PPP2R3A: variants seen among roughly 807,000 people sequenced by gnomAD.
The protein encoded by PPP2R3A is protein phosphatase 2 regulatory subunit B''alpha.
A neutral mutation model predicts 106.9 loss-of-function variants in PPP2R3A; 80 were observed. That is an observed-to-expected ratio of 0.75 (90% CI 0.62 to 0.90). The LOEUF (loss-of-function observed/expected upper bound fraction) is 0.90, where lower values mean the gene tolerates loss of function less well. Ranked by LOEUF, PPP2R3A falls within the 40% of genes least tolerant of loss-of-function variation. PPP2R3A has a pLI of 0.00. For missense variants in PPP2R3A, 1,386 were observed against 1,350.4 expected (o/e 1.03, Z -0.41); for synonymous variants, 483 against 468.3 (o/e 1.03, Z -0.41).
chr3:136,145,027 T>C lies in PPP2R3A; in HGVS notation c.3330-16T>C, dbSNP rs1410107704. ...ATCAATCAATCAGTTAATTCACTTT[T>C]GCTTTGTTATTTCAGCTTTGAAGAT... On this transcript the variant is annotated splice_polypyrimidine_tract_variant and intron_variant, in intron 13 of 13. Coordinates refer to ENST00000264977, the MANE Select transcript of PPP2R3A (RefSeq NM_002718.5). 1 of 1,603,072 alleles carries C rather than the reference T, an allele frequency of 6.2e-7. No individual in the cohort carries two copies. Among genetic ancestry groups the C allele is most frequent in the Non-Finnish European group, 8.5e-7 (1 of 1,175,602 alleles).
chr3:136,018,044 A>G lies in PPP2R3A; in HGVS notation c.1996-8788A>G, dbSNP rs373332587. Among the ~76,000 whole-genome samples, 4 of 152,196 alleles carry G rather than the reference A, an allele frequency of 2.6e-5. No individual in the cohort carries two copies. In the East Asian group the frequency reaches 5.8e-4, roughly 22 times the overall value. On this transcript the variant is annotated intron_variant, in intron 2 of 13. Coordinates refer to ENST00000264977, the MANE Select transcript of PPP2R3A (RefSeq NM_002718.5). ...CACTTTGAGAGGCTGAGGTGGGCAGATTGCTTGAGCCCAGGAGTTCAGGAC... is the reference window on the plus strand; with the variant it reads ...CACTTTGAGAGGCTGAGGTGGGCAGGTTGCTTGAGCCCAGGAGTTCAGGAC...
intron 5 of PPP2R3A, among the ~76,000 whole-genome samples, chr3:136,068,407 A>G (rs1936325959): frequency 6.6e-6 from 1 of 152,110 alleles, no homozygotes; most frequent in Non-Finnish European, 1.5e-5. Flanking sequence ...AATCCCAGCT[A>G]CTCGGAAGGC....
intron 5 of PPP2R3A, 73 bp from the exon 6 acceptor site, chr3:136,070,405 C>T: frequency 8.2e-7 from 1 of 1,225,434 alleles, no homozygotes; most frequent in Non-Finnish European, 1.1e-6. Flanking sequence ...TGGCAACATA[C>T]AGGAAGGAAA....
chr3:135,969,611 G>A (rs9868239), intron 1 of PPP2R3A, among the ~76,000 whole-genome samples: 97,738 of 152,078 alleles, frequency 0.64, 33,408 homozygotes, highest in African/African-American at 0.88. Context: ...CTGGAGGCAC[G>A]AATTTTTAGG....
chr3:136,003,098 G>T lies in PPP2R3A; in HGVS notation c.1600G>T (p.Gly534Cys). 6.2e-7 allele frequency: 1 copy of T among 1,610,742 alleles called. No homozygotes were observed. Residue 534 changes from glycine (G) to cysteine (C), a missense_variant, in exon 2 of 14, where the codon GGT (glycine) becomes TGT (cysteine). Coordinates refer to ENST00000264977, the MANE Select transcript of PPP2R3A (RefSeq NM_002718.5). ...CTCTCTAAGAGAGCCACTTGCGAAG[G>T]GTAAAAACTCTAATTTTTTAAATAG... Reference protein sequence around the residue: ...ETSLREPLAKGKNSNFLNSHS... With the variant: ...ETSLREPLAKCKNSNFLNSHS...
Position 136,053,370 on chromosome 3 carries a change from G to GA in PPP2R3A, c.2469+4018dup, listed in dbSNP as rs199818471. ...TGGATTTATATGGATCAAAAAAAAA[G>GA]AAAAAAAAATAAGTGACCAGAAGTA... On this transcript the variant is annotated intron_variant, in intron 5 of 13. Transcript: ENST00000264977. Among the ~76,000 whole-genome samples, 376 of 150,676 alleles carry GA rather than the reference G, an allele frequency of 2.5e-3. 3 individuals carry two copies. The highest frequency in any genetic ancestry group is 4.5e-3 in the Non-Finnish European group (304 of 67,552).
chr3:135,998,362 G>C lies in PPP2R3A; in HGVS notation c.-440-2697G>C, dbSNP rs577962076. On this transcript the variant is annotated intron_variant, in intron 1 of 13. Transcript: ENST00000264977. Reference sequence around the variant, plus strand: ...AAACAGACAAAGGACATGAAGAAAGGCTTCACAAGTGAACAATGACAAAAT... The same window carrying C: ...AAACAGACAAAGGACATGAAGAAAGCCTTCACAAGTGAACAATGACAAAAT... Among the ~76,000 whole-genome samples, 12 of 152,302 alleles carry C rather than the reference G, an allele frequency of 7.9e-5. No homozygotes were observed. The South Asian group carries it at 2.5e-3, about 32-fold the overall frequency.
chr3:136,133,102 A>C (rs1162064966), intron 13 of PPP2R3A, among the ~76,000 whole-genome samples: 1 of 152,186 alleles, frequency 6.6e-6, no homozygotes, highest in African/African-American at 2.4e-5. Context: ...GGAATAAAAC[A>C]AAGGAAAATC....
intron 13 of PPP2R3A, among the ~76,000 whole-genome samples, chr3:136,114,253 C>T (rs549228821): frequency 6.6e-6 from 1 of 152,242 alleles, no homozygotes; most frequent in Non-Finnish European, 1.5e-5. Flanking sequence ...GCTTTTCCCA[C>T]AGTCTTCACT....
In PPP2R3A at chr3:136,002,831, A is replaced by C. The variant is rs1933688782; in HGVS notation, c.1333A>C (p.Asn445His). 6.2e-7 allele frequency: 1 copy of C among 1,613,932 alleles called. No individual in the cohort carries two copies. The highest frequency in any genetic ancestry group is 8.5e-7 in the Non-Finnish European group (1 of 1,179,962). ...ACCTAGTCATGAGTTATTAAAGGTA[A>C]ATGAACATAGAGCAGAATTTCCAGA... ...NGPSHELLKV[N>H]EHRAEFPEHA... The change falls in exon 2 of 14, where the codon AAT (asparagine) becomes CAT (histidine). Residue 445 changes from asparagine to histidine, a missense_variant. Transcript: ENST00000264977.
intron 1 of PPP2R3A, among the ~76,000 whole-genome samples, chr3:135,985,327 CTT>C (rs1937593856): frequency 6.7e-6 from 1 of 149,498 alleles, no homozygotes; most frequent in Non-Finnish European, 1.5e-5. Context: ...CCCCCTTTCC[CTT>C]TCTCTCTCTC....
chr3:136,085,708 T>A (rs61791721), intron 8 of PPP2R3A, among the ~76,000 whole-genome samples: 40,928 of 152,196 alleles, frequency 0.27, 6,099 homozygotes, highest in African/African-American at 0.39. Flanking sequence ...TTATTAGATA[T>A]AGCAGAGTAT....
In PPP2R3A at chr3:136,003,332, A is replaced by C. The variant is rs144682720; in HGVS notation, c.1834A>C (p.Arg612=). The C allele has an allele frequency of 6.8e-6, 11 of 1,614,056 alleles. No homozygotes were observed. Among genetic ancestry groups the C allele is most frequent in the Non-Finnish European group, 9.3e-6 (11 of 1,179,958 alleles). Residue 612 remains arginine, a synonymous_variant, in exon 2 of 14, where the codon AGA becomes CGA. Transcript: ENST00000264977. ...AQELVECKSS[R]GSLSQEKEMM... is the part of the protein sequence containing the mutation. ...AGAACTAGTTGAATGCAAATCAAGC[A>C]GAGGGAGCCTATCACAAGAAAAGGA... is the stretch of plus-strand genomic sequence containing the variant.
At chr3:136,136,985 A>G (rs1386629472) in intron 13 of PPP2R3A, among the ~76,000 whole-genome samples, 2 of 152,238 alleles carry the variant, frequency 1.3e-5, no homozygotes, top group Non-Finnish European at 1.5e-5. Flanking sequence ...ATCACAGCAT[A>G]CAACAGCATT....
chr3:136,051,233 C>T (rs999679762), intron 5 of PPP2R3A, among the ~76,000 whole-genome samples: 3 of 152,192 alleles, frequency 2.0e-5, no homozygotes, highest in African/African-American at 7.2e-5. Flanking sequence ...ACAGTAAATC[C>T]TTGTTAGCTC....
chr3:136,133,622 C>G (rs1374413526), intron 13 of PPP2R3A, among the ~76,000 whole-genome samples: 2 of 152,010 alleles, frequency 1.3e-5, no homozygotes, highest in African/African-American at 2.4e-5. Context: ...TCCTAGAAAT[C>G]TACCTAAGAG....
intron 13 of PPP2R3A, among the ~76,000 whole-genome samples, chr3:136,132,277 G>A (rs1261302246): frequency 6.6e-6 from 1 of 152,070 alleles, no homozygotes. Context: ...GGGCAGTAAG[G>A]CAAGAAAAAA....
intron 13 of PPP2R3A, among the ~76,000 whole-genome samples, chr3:136,110,245 A>C: frequency 6.6e-6 from 1 of 152,216 alleles, no homozygotes; most frequent in East Asian, 1.9e-4. Context: ...ATATCAATGA[A>C]ATACTCAACA....
chr3:135,993,082 A>AT (rs2107776225), intron 1 of PPP2R3A, among the ~76,000 whole-genome samples: 1 of 152,182 alleles, frequency 6.6e-6, no homozygotes, highest in East Asian at 1.9e-4. Context: ...AGAAAAAATG[A>AT]TTAATTGGAT....
Sources: allele counts gnomAD v4.1 joint callset (sites outside exome capture counted in the v4.1 genomes callset), GRCh38; gene constraint gnomAD v4.1.1; transcripts MANE v1.5; gene names NCBI Gene and HGNC (gene_info 2026-07-23, HGNC 2026-07-21).